Variants in EYS observed in about 807,000 individuals in gnomAD.
EYS encodes protein eyes shut homolog.
In EYS, 250 loss-of-function variants were observed where a neutral mutation model predicts 282.1. The observed-to-expected ratio is 0.89, with a 90% CI of 0.80 to 0.98. EYS has a LOEUF of 0.98. Among genes scored for constraint, EYS ranks in the 50% least tolerant of loss-of-function variants. The pLI, the probability that EYS is intolerant of heterozygous loss-of-function variation, is 0.00. For synonymous variants in EYS, 1,355 were observed against 1,282.9 expected, an observed-to-expected ratio of 1.06 and a Z score of -1.20; for missense variants, 4,016 against 3,709.0, an observed-to-expected ratio of 1.08 and a Z score of -2.15.
At chr6:64,632,033 G>A (rs1392516269) in intron 22 of EYS, among the ~76,000 whole-genome samples, 1 of 149,200 alleles carries the variant, frequency 6.7e-6, no homozygotes, top group African/African-American at 2.5e-5. Context: ...TTGATAGGAT[G>A]TAGTTTAATA....
chr6:63,963,051 T>C (rs976086331), intron 35 of EYS, among the ~76,000 whole-genome samples: 27 of 147,334 alleles, frequency 1.8e-4, no homozygotes, highest in South Asian at 4.3e-4. Flanking sequence ...TAGGTGGGAA[T>C]TGAACAATGA....
chr6:64,706,753 C>T (rs942430970), intron 22 of EYS, among the ~76,000 whole-genome samples: 1 of 151,816 alleles, frequency 6.6e-6, no homozygotes, highest in Middle Eastern at 3.2e-3. Context: ...CAAATCAAAA[C>T]CACAATACAA....
chr6:65,042,459 G>T (rs1772967715), intron 13 of EYS, among the ~76,000 whole-genome samples: 1 of 150,392 alleles, frequency 6.6e-6, no homozygotes, highest in Non-Finnish European at 1.5e-5. Flanking sequence ...GTTTTATTTT[G>T]GTTAAATATT....
At chr6:64,923,492 A>G (rs573422254) in intron 15 of EYS, among the ~76,000 whole-genome samples, 20 of 152,286 alleles carry the variant, frequency 1.3e-4, no homozygotes, top group African/African-American at 4.8e-4. Context: ...ATGTCCTCAC[A>G]TTTCAAAACC....
chr6:64,205,844 C>CACACACAT (rs778777050), intron 31 of EYS, among the ~76,000 whole-genome samples: 6 of 138,386 alleles, frequency 4.3e-5, no homozygotes, highest in African/African-American at 1.6e-4. Flanking sequence ...CACACACACA[C>CACACACAT]ATATATATAT....
intron 12 of EYS, among the ~76,000 whole-genome samples, chr6:65,182,790 G>T (rs1263912926): frequency 4.0e-5 from 6 of 151,652 alleles, no homozygotes; most frequent in Admixed American, 4.0e-4. Flanking sequence ...TGGGTTTTTT[G>T]TTTTGTTTTG....
chr6:63,910,558 C>A (rs9689077), intron 35 of EYS, among the ~76,000 whole-genome samples: 1 of 152,092 alleles, frequency 6.6e-6, no homozygotes, highest in African/African-American at 2.4e-5. Context: ...GCTGTAATGC[C>A]GGTTTTCATG....
intron 31 of EYS, among the ~76,000 whole-genome samples, chr6:64,093,255 A>G (rs1177445009): frequency 2.0e-5 from 3 of 152,078 alleles, no homozygotes; most frequent in Non-Finnish European, 4.4e-5. Context: ...TTGGTTCCAT[A>G]TGAACTTTAA....
At chr6:64,737,859 C>G (rs186543021) in intron 22 of EYS, among the ~76,000 whole-genome samples, 224 of 152,266 alleles carry the variant, frequency 1.5e-3, no homozygotes, top group African/African-American at 5.0e-3. Context: ...TCCATTTGAG[C>G]AATACTTGCT....
intron 12 of EYS, among the ~76,000 whole-genome samples, chr6:65,223,140 G>A (rs1766515914): frequency 6.6e-6 from 1 of 151,976 alleles, no homozygotes; most frequent in African/African-American, 2.4e-5. Context: ...AATAAATAGG[G>A]GAATGTATGA....
chr6:65,432,203 T>A (rs1767912846), intron 5 of EYS, among the ~76,000 whole-genome samples: 2 of 152,182 alleles, frequency 1.3e-5, no homozygotes, highest in African/African-American at 4.8e-5. Flanking sequence ...AATAGCTGTT[T>A]TATAAATAGG....
intron 7 of EYS, among the ~76,000 whole-genome samples, chr6:65,391,196 G>C (rs1359273870): frequency 6.6e-6 from 1 of 151,920 alleles, no homozygotes; most frequent in Non-Finnish European, 1.5e-5. Context: ...AGGCATTTAG[G>C]GGGCCAGATT....
At chr6:63,836,394 A>T (rs1395025797) in intron 36 of EYS, among the ~76,000 whole-genome samples, 3 of 152,056 alleles carry the variant, frequency 2.0e-5, no homozygotes, top group Non-Finnish European at 2.9e-5. Flanking sequence ...TAGCAAAATA[A>T]GAAAAAGAAA....
At chr6:64,265,313 G>T (rs1767720902) in intron 30 of EYS, among the ~76,000 whole-genome samples, 2 of 152,264 alleles carry the variant, frequency 1.3e-5, no homozygotes, top group Middle Eastern at 3.4e-3. Flanking sequence ...AAGCTTGAAA[G>T]AAAAGACTAA....
intron 26 of EYS, among the ~76,000 whole-genome samples, chr6:64,537,262 G>GT (rs1183562719): frequency 2.1e-5 from 3 of 145,764 alleles, no homozygotes; most frequent in African/African-American, 7.7e-5. Context: ...GCGGTGTTTG[G>GT]TTTTTTGTTC....
intron 30 of EYS, among the ~76,000 whole-genome samples, chr6:64,242,216 C>A (rs1766857326): frequency 6.6e-6 from 1 of 152,092 alleles, no homozygotes; most frequent in South Asian, 2.1e-4. Flanking sequence ...TCCTGGATAT[C>A]CTTGTTAATT....
At chr6:65,407,554 T>G (rs919579233) in intron 5 of EYS, among the ~76,000 whole-genome samples, 7 of 152,070 alleles carry the variant, frequency 4.6e-5, no homozygotes, top group Non-Finnish European at 4.4e-5. Context: ...ATGCCCGGCC[T>G]TGAAGTATTG....
intron 33 of EYS, among the ~76,000 whole-genome samples, chr6:64,048,331 AT>A (rs1397101455): frequency 6.6e-6 from 1 of 151,902 alleles, no homozygotes; most frequent in Non-Finnish European, 1.5e-5. Context: ...ATTTATTTTG[AT>A]CCTTGAGCTA....
intron 33 of EYS, among the ~76,000 whole-genome samples, chr6:64,059,884 G>A (rs1053427285): frequency 6.6e-6 from 1 of 152,100 alleles, no homozygotes; most frequent in Non-Finnish European, 1.5e-5. Flanking sequence ...TAATGATAAA[G>A]TATTACCTAT....
Sources: allele counts gnomAD v4.1 joint callset (sites outside exome capture counted in the v4.1 genomes callset), GRCh38; gene constraint gnomAD v4.1.1; transcripts MANE v1.5; gene names NCBI Gene and HGNC (gene_info 2026-07-23, HGNC 2026-07-21).